The following CACNA1E variants were observed in gnomAD, a reference collection of about 807,000 sequenced individuals.
CACNA1E encodes calcium voltage-gated channel subunit alpha1 E.
Under a neutral mutation model 259.2 loss-of-function variants are expected in CACNA1E, and 40 were observed. The ratio of observed to expected loss-of-function variants is 0.15; its 90% confidence interval spans 0.12 to 0.20. The LOEUF (loss-of-function observed/expected upper bound fraction) is 0.20. CACNA1E is among the 10% of genes least tolerant of loss of function. The pLI is 1.00. For missense variants in CACNA1E, 1,874 were observed against 3,040.1 expected (o/e 0.62, Z 9.02); for synonymous variants, 1,104 against 1,138.5 (o/e 0.97, Z 0.61).
At position 181,485,077 on chromosome 1, in the gene CACNA1E, TTAG is replaced by T. The variant is rs1663673163; in HGVS notation, c.266+1071_266+1073del. On this transcript the variant is annotated intron_variant, in intron 1 of 47. Transcript: ENST00000367573. The surrounding 1 kb of genome is among the most constrained non-coding windows in gnomAD (Gnocchi z 4.2). ...GGGGGTGGTGAGGCAGTGAAGGGGA[TTAG>T]TAGGAGGCAAGCTAGTGGTCTGGCG... Among the ~76,000 whole-genome samples the T allele has an allele frequency of 6.6e-6, 1 of 152,100 alleles. No homozygotes were observed. The highest frequency in any genetic ancestry group is 1.5e-5 in the Non-Finnish European group (1 of 68,024).
At chr1:181,701,484 C>T (rs1470988534) in intron 7 of CACNA1E, among the ~76,000 whole-genome samples, 2 of 152,174 alleles carry the variant, frequency 1.3e-5, no homozygotes, top group East Asian at 3.8e-4. Context: ...GTGACTGAAA[C>T]ATACACTGTT....
At chr1:181,552,247 A>G (rs10737233) in intron 3 of CACNA1E, among the ~76,000 whole-genome samples, 150,173 of 152,318 alleles carry the variant, frequency 0.99, 74,070 homozygotes, top group Middle Eastern at 1. Flanking sequence ...TGGCTGATAC[A>G]AAGGCTGTGA....
intron 29 of CACNA1E, 44 bp downstream of exon 29, chr1:181,756,137 C>A (rs1328074289): frequency 1.3e-6 from 2 of 1,557,852 alleles, no homozygotes; most frequent in Admixed American, 1.8e-5. Context: ...TGTGATAGGA[C>A]CCCTGGTTGC....
chr1:181,712,087 G>A (rs116786434), intron 8 of CACNA1E, among the ~76,000 whole-genome samples: 1,967 of 152,266 alleles, frequency 0.013, 15 homozygotes, highest in Non-Finnish European at 0.02. Context: ...CTCAACATTA[G>A]GAATAGTTCT....
chr1:181,545,050 A>T (rs771208435), intron 3 of CACNA1E, among the ~76,000 whole-genome samples: 4 of 152,168 alleles, frequency 2.6e-5, no homozygotes, highest in Non-Finnish European at 4.4e-5. Context: ...AAGCACTCAG[A>T]TCATTCTGAT....
intron 1 of CACNA1E, among the ~76,000 whole-genome samples, chr1:181,375,365 T>C (rs1655030212): frequency 6.6e-6 from 1 of 152,228 alleles, no homozygotes; most frequent in Non-Finnish European, 1.5e-5. Flanking sequence ...CTGATGTTTA[T>C]GTCCCCCCAA....
intron 7 of CACNA1E, among the ~76,000 whole-genome samples, chr1:181,676,686 A>T (rs1186459418): frequency 6.6e-6 from 1 of 152,204 alleles, no homozygotes; most frequent in Non-Finnish European, 1.5e-5. Flanking sequence ...TGTCAAGTTG[A>T]GTGGATGATG....
At chr1:181,354,600 C>A (rs879201657) in intron 1 of CACNA1E, among the ~76,000 whole-genome samples, 1 of 152,204 alleles carries the variant, frequency 6.6e-6, no homozygotes, top group Non-Finnish European at 1.5e-5. Context: ...AGGTTGTCTG[C>A]ACCTTCCCAC....
intron 7 of CACNA1E, among the ~76,000 whole-genome samples, chr1:181,675,904 A>C (rs1362636198): frequency 6.6e-6 from 1 of 152,208 alleles, no homozygotes; most frequent in African/African-American, 2.4e-5. Context: ...ATTGTGCTTG[A>C]GAACCCATTG....
At chr1:181,566,366 C>G (rs951697670) in intron 3 of CACNA1E, among the ~76,000 whole-genome samples, 10 of 152,142 alleles carry the variant, frequency 6.6e-5, no homozygotes, top group African/African-American at 2.4e-4. Context: ...AACTGTGAAA[C>G]AACAATAAGA....
intron 3 of CACNA1E, among the ~76,000 whole-genome samples, chr1:181,564,494 C>G (rs1200904099): frequency 6.6e-6 from 1 of 152,178 alleles, no homozygotes; most frequent in Non-Finnish European, 1.5e-5. Context: ...CTATTCTTAC[C>G]ACATCTTCAG....
At chr1:181,450,528 A>C (rs1460155054) in intron 2 of CACNA1E, among the ~76,000 whole-genome samples, 1 of 152,078 alleles carries the variant, frequency 6.6e-6, no homozygotes, top group African/African-American at 2.4e-5. Flanking sequence ...GCATGGGAAA[A>C]CACCCAGAGG....
intron 38 of CACNA1E, among the ~76,000 whole-genome samples, chr1:181,779,776 C>G (rs1660259472): frequency 6.6e-6 from 1 of 151,214 alleles, no homozygotes; most frequent in Non-Finnish European, 1.5e-5. Context: ...TGTGATCGCT[C>G]TCTTCACATG....
chr1:181,778,897 C>G (rs1660184186), intron 38 of CACNA1E, among the ~76,000 whole-genome samples: 2 of 152,216 alleles, frequency 1.3e-5, no homozygotes, highest in African/African-American at 4.8e-5. Context: ...TGTGATTTCC[C>G]TCATGCCAAC....
At chr1:181,795,502 G>A (rs533102334) in intron 46 of CACNA1E, among the ~76,000 whole-genome samples, 2 of 151,442 alleles carry the variant, frequency 1.3e-5, no homozygotes, top group African/African-American at 4.9e-5. Flanking sequence ...GTGCAGTGGT[G>A]TGATCTCGGC....
At chr1:181,330,591 C>T (rs1297382827) in intron 1 of CACNA1E, among the ~76,000 whole-genome samples, 1 of 152,212 alleles carries the variant, frequency 6.6e-6, no homozygotes, top group Non-Finnish European at 1.5e-5. Flanking sequence ...CTGCTGGCAC[C>T]TGAGAAATCA....
intron 6 of CACNA1E, among the ~76,000 whole-genome samples, chr1:181,611,998 GCCAATGCA>G (rs547930913): frequency 1.0e-3 from 154 of 152,252 alleles, no homozygotes; most frequent in African/African-American, 3.5e-3. Context: ...CCATCTGAAG[GCCAATGCA>G]CCAATGCACC....
At chr1:181,380,600 A>C (rs1655393115) in intron 1 of CACNA1E, among the ~76,000 whole-genome samples, 1 of 152,210 alleles carries the variant, frequency 6.6e-6, no homozygotes, top group Non-Finnish European at 1.5e-5. Context: ...ATTAAAGTAC[A>C]CTCACTATTG....
intron 7 of CACNA1E, among the ~76,000 whole-genome samples, chr1:181,685,454 A>G (rs963990708): frequency 2.0e-5 from 3 of 152,028 alleles, no homozygotes; most frequent in Non-Finnish European, 2.9e-5. Flanking sequence ...TCATTGCACA[A>G]TCTTCCTTAC....
Sources: allele counts gnomAD v4.1 joint callset (sites outside exome capture counted in the v4.1 genomes callset), GRCh38; gene constraint gnomAD v4.1.1; non-coding constraint Gnocchi (gnomAD v3.1); transcripts MANE v1.5; gene names NCBI Gene and HGNC (gene_info 2026-07-23, HGNC 2026-07-21).